ZBTB7C: variants seen among roughly 807,000 people sequenced by gnomAD.
The protein encoded by ZBTB7C is zinc finger and BTB domain-containing protein 7C.
ZBTB7C carries 8 observed loss-of-function variants against 25.7 expected under a neutral mutation model. The observed-to-expected ratio is 0.31, with a 90% CI of 0.18 to 0.56. The LOEUF (loss-of-function observed/expected upper bound fraction) is 0.56. Among genes scored for constraint, ZBTB7C ranks in the 20% least tolerant of loss-of-function variants. The pLI, the probability that ZBTB7C is intolerant of heterozygous loss-of-function variation, is 0.91. For missense variants in ZBTB7C, 824 were observed against 855.2 expected (o/e 0.96, Z 0.46); for synonymous variants, 394 against 369.0 (o/e 1.07, Z -0.78).
intron 4 of ZBTB7C, among the ~76,000 whole-genome samples, chr18:48,030,681 C>G (rs1234160401): frequency 6.6e-6 from 1 of 152,218 alleles, no homozygotes. Flanking sequence ...GCGCCAGCTG[C>G]AGACCCACCA....
At chr18:48,159,637 T>C (rs1405039060) in intron 3 of ZBTB7C, among the ~76,000 whole-genome samples, 1 of 152,258 alleles carries the variant, frequency 6.6e-6, no homozygotes, top group Non-Finnish European at 1.5e-5. Context: ...TTCCTGAACT[T>C]CTACTACATG....
Position 48,029,461 on chromosome 18 carries a change from C to T in ZBTB7C, c.1659G>A (p.Glu553=), listed in dbSNP as rs1012910073. 6.3e-7 allele frequency: 1 copy of T among 1,597,418 alleles called. No homozygotes were observed. Among genetic ancestry groups the T allele is most frequent in the East Asian group, 2.3e-5 (1 of 44,006 alleles). Residue 553 remains glutamate (E), a synonymous_variant, in exon 5 of 5, where the codon GAG becomes GAA. Transcript: ENST00000590800. ...CGCGCCCGAACAGCTTCATCTGTGT[C>T]TCCTCGAACTGCCGCTCCAGCTCTT... ...SLQELERQFE[E]TQMKLFGRAQ...
intron 1 of ZBTB7C, among the ~76,000 whole-genome samples, chr18:48,397,134 T>C (rs752870638): frequency 3.3e-5 from 5 of 152,246 alleles, no homozygotes; most frequent in African/African-American, 7.2e-5. Context: ...TAAATTCTTA[T>C]TGTTTAAGGC....
intron 3 of ZBTB7C, chr18:48,137,389 T>G: frequency 1.7e-5 from 16 of 947,412 alleles, no homozygotes; most frequent in Non-Finnish European, 1.9e-5. Flanking sequence ...TTCTTCCGGG[T>G]TCCTCCGTTT....
chr18:48,249,230 T>A (rs750196537), intron 2 of ZBTB7C, among the ~76,000 whole-genome samples: 1 of 152,138 alleles, frequency 6.6e-6, no homozygotes, highest in Non-Finnish European at 1.5e-5. Context: ...CATATACATG[T>A]CTGTGTCCTT....
At chr18:48,038,547 C>CTTT (rs200367018) in intron 4 of ZBTB7C, among the ~76,000 whole-genome samples, 4 of 132,234 alleles carry the variant, frequency 3.0e-5, no homozygotes, top group Admixed American at 1.5e-4. Flanking sequence ...GAGGACTCAT[C>CTTT]TTTTTTTTTT....
intron 2 of ZBTB7C, among the ~76,000 whole-genome samples, chr18:48,267,927 A>G (rs1296617943): frequency 6.6e-6 from 1 of 152,208 alleles, no homozygotes; most frequent in Non-Finnish European, 1.5e-5. Context: ...CACCCAGTTT[A>G]TGGTATTCTG....
chr18:48,131,267 C>T (rs2039976888), intron 3 of ZBTB7C, among the ~76,000 whole-genome samples: 1 of 152,242 alleles, frequency 6.6e-6, no homozygotes, highest in Non-Finnish European at 1.5e-5. Flanking sequence ...AACTGCTGGA[C>T]TAAGCACCAT....
chr18:48,348,699 C>T (rs992054062), intron 1 of ZBTB7C, among the ~76,000 whole-genome samples: 1 of 152,244 alleles, frequency 6.6e-6, no homozygotes, highest in Non-Finnish European at 1.5e-5. Context: ...TGCCTATAAT[C>T]CCCGCTACTC....
intron 1 of ZBTB7C, among the ~76,000 whole-genome samples, chr18:48,388,363 G>A (rs922836408): frequency 7.9e-5 from 12 of 151,882 alleles, no homozygotes; most frequent in Admixed American, 6.6e-4. Context: ...TCTCCCTAGC[G>A]AGGAATGTGT....
Position 48,144,849 on chromosome 18 carries a change from T to G in ZBTB7C, c.-17+41085A>C, listed in dbSNP as rs563748808. ...TGATAGTCCACTGAAGGACACATTT[T>G]CATTCTTAAGATTCTGAGTGTGCTC... On this transcript the variant is annotated intron_variant, in intron 3 of 4. Coordinates refer to ENST00000590800, the MANE Select transcript of ZBTB7C (RefSeq NM_001318841.2). Among the ~76,000 whole-genome samples, 7 of 152,318 alleles carry G rather than the reference T, an allele frequency of 4.6e-5. No individual in the cohort carries two copies. In the South Asian group the frequency reaches 1.5e-3, roughly 32 times the overall value.
At chr18:48,146,135 T>C (rs2040492457) in intron 3 of ZBTB7C, among the ~76,000 whole-genome samples, 1 of 152,222 alleles carries the variant, frequency 6.6e-6, no homozygotes, top group African/African-American at 2.4e-5. Flanking sequence ...CTTGAGATGA[T>C]GGCTAGCTTT....
chr18:48,066,552 G>A (rs1429624057), intron 3 of ZBTB7C, among the ~76,000 whole-genome samples: 1 of 152,056 alleles, frequency 6.6e-6, no homozygotes, highest in African/African-American at 2.4e-5. Context: ...AGATAACAAC[G>A]GGACCTGGAT....
chr18:48,202,555 G>A (rs1037928836), intron 2 of ZBTB7C, among the ~76,000 whole-genome samples: 1 of 152,034 alleles, frequency 6.6e-6, no homozygotes, highest in Non-Finnish European at 1.5e-5. Context: ...GGGTGTGCAA[G>A]CTAAACATGC....
intron 2 of ZBTB7C, among the ~76,000 whole-genome samples, chr18:48,329,651 T>C (rs748179549): frequency 1.3e-5 from 2 of 152,168 alleles, no homozygotes; most frequent in Non-Finnish European, 2.9e-5. Context: ...TGAATACACA[T>C]ATGTGCATCT....
chr18:48,099,147 C>T lies in ZBTB7C; in HGVS notation c.-16-58024G>A, dbSNP rs78508939. Among the ~76,000 whole-genome samples the T allele has an allele frequency of 2.6e-4, 40 of 152,312 alleles. No homozygotes were observed. In the East Asian group the frequency reaches 5.4e-3, roughly 21 times the overall value. ...TGCCTTATCAATAAAATAGGATTCA[C>T]AATAGTTGTCCTCTGCAAAGAACTG... On this transcript the variant is annotated intron_variant, in intron 3 of 4. Coordinates refer to ENST00000590800, the MANE Select transcript of ZBTB7C (RefSeq NM_001318841.2).
chr18:48,116,162 C>A (rs775510232), intron 3 of ZBTB7C, among the ~76,000 whole-genome samples: 1 of 152,150 alleles, frequency 6.6e-6, no homozygotes, highest in Non-Finnish European at 1.5e-5. Flanking sequence ...CAAATGCTCC[C>A]TGGTGCCCTA....
intron 3 of ZBTB7C, among the ~76,000 whole-genome samples, chr18:48,124,265 C>T (rs1430983394): frequency 6.6e-6 from 1 of 152,214 alleles, no homozygotes; most frequent in Admixed American, 6.5e-5. Context: ...CCTGGGATGG[C>T]AGGCGGTGGG....
intron 2 of ZBTB7C, among the ~76,000 whole-genome samples, chr18:48,278,047 C>A (rs2044718965): frequency 6.6e-6 from 1 of 152,186 alleles, no homozygotes. Flanking sequence ...ACAGCCACAG[C>A]AATCTCCTAT....
Sources: gnomAD v4.1 joint callset for allele counts (sites outside exome capture counted in the v4.1 genomes callset) on GRCh38, gnomAD v4.1.1 for gene constraint, MANE v1.5 for transcripts, NCBI Gene and HGNC (gene_info 2026-07-23, HGNC 2026-07-21) for gene names.